Variants in ZNF3 observed in about 807,000 individuals in gnomAD.
ZNF3 encodes zinc finger protein 3, also known as C2-H2 type zinc finger protein.
A neutral mutation model predicts 36.9 loss-of-function variants in ZNF3; 16 were observed. That is an observed-to-expected ratio of 0.43 (90% CI 0.29 to 0.66). The LOEUF is 0.66. Ranked by LOEUF, ZNF3 falls within the 30% of genes least tolerant of loss-of-function variation. The pLI is 0.13. For synonymous variants in ZNF3, 201 were observed against 201.9 expected (o/e 1.00, Z 0.04); for missense variants, 462 against 543.1 (o/e 0.85, Z 1.48).
At position 100,075,274 on chromosome 7, in the gene ZNF3, G is replaced by C. The variant is rs373878869; in HGVS notation, c.145-13C>G. On this transcript the variant is annotated splice_polypyrimidine_tract_variant and intron_variant, in intron 4 of 5. Coordinates refer to ENST00000299667, the MANE Select transcript of ZNF3 (RefSeq NM_032924.5). ...AGGTTACCAGCTCCTGAAACAACAC[G>C]TGCTGGCATGCAATTTCAGGGTGAG... 6.2e-6 allele frequency: 10 copies of C among 1,614,012 alleles called. No homozygotes were observed. Among genetic ancestry groups the C allele is most frequent in the Non-Finnish European group, 8.5e-6 (10 of 1,179,998 alleles).
At chr7:100,072,940 T>C (rs1475688691) in intron 5 of ZNF3, among the ~76,000 whole-genome samples, 1 of 152,226 alleles carries the variant, frequency 6.6e-6, no homozygotes, top group East Asian at 1.9e-4. Flanking sequence ...TTAATTGATA[T>C]TTTAAAAAGT....
intron 5 of ZNF3, 132 bp from the exon 6 acceptor site, chr7:100,072,344 T>C: frequency 1.2e-6 from 1 of 838,276 alleles, no homozygotes; most frequent in Non-Finnish European, 1.8e-6. Flanking sequence ...GCCCCACATG[T>C]GTGCGGCTAA....
In ZNF3 at chr7:100,070,413, T is replaced by C; in HGVS notation, c.*730A>G. On this transcript the variant is annotated 3_prime_UTR_variant, in exon 6 of 6. Transcript: ENST00000299667. ...GCAATCAGAGGCCAACGCTAAGTGCTTCTGACCCTCTCCCTCACAGCCGGT... is the reference window on the plus strand; with the variant it reads ...GCAATCAGAGGCCAACGCTAAGTGCCTCTGACCCTCTCCCTCACAGCCGGT... 1.0e-6 allele frequency: 1 copy of C among 985,484 alleles called. No individual in the cohort carries two copies. The highest frequency in any genetic ancestry group is 1.2e-6 in the Non-Finnish European group (1 of 829,990). 61.0% of individuals were successfully genotyped at this position (985,484 alleles called of 1,614,324 possible). A position where few individuals can be genotyped will look rare whatever the true frequency, so the allele number is the denominator to read the frequency against.
rs146727563 is a variant in ZNF3 at position 100,064,124 on chromosome 7, G to A, written c.*664C>T. Reference sequence around the variant, plus strand: ...GAGAAACCTTACGTGTGCACCAAGTGTGGGAAAGCTTTCAGCCACAGCTCA... The same window carrying A: ...GAGAAACCTTACGTGTGCACCAAGTATGGGAAAGCTTTCAGCCACAGCTCA... On this transcript the variant is annotated 3_prime_UTR_variant, in exon 6 of 6. Coordinates refer to the ZNF3 transcript ENST00000413658. 7.4e-6 allele frequency: 12 copies of A among 1,614,076 alleles called. No individual in the cohort carries two copies. Among genetic ancestry groups the A allele is most frequent in the Non-Finnish European group, 1.0e-5 (12 of 1,180,056 alleles).
At position 100,071,311 on chromosome 7, in the gene ZNF3, G is replaced by C. The variant is rs200414532; in HGVS notation, c.1173C>G (p.Thr391=). Residue 391 remains threonine, a synonymous_variant, in exon 6 of 6, where the codon ACC becomes ACG. Transcript: ENST00000299667. Reference sequence around the variant, plus strand: ...CACTACATTCATAGGGGTTCTCCCCGGTGTGGATTCTTTGATGCTGAATAA... The same window carrying C: ...CACTACATTCATAGGGGTTCTCCCCCGTGTGGATTCTTTGATGCTGAATAA... ...SGLIQHQRIH[T]GENPYECSEC... 6.2e-7 allele frequency: 1 copy of C among 1,613,806 alleles called. No individual in the cohort carries two copies. The highest frequency in any genetic ancestry group is 1.3e-5 in the African/African-American group (1 of 74,906).
chr7:100,072,699 A>G (rs1481746347), intron 5 of ZNF3, among the ~76,000 whole-genome samples: 2 of 152,204 alleles, frequency 1.3e-5, no homozygotes, highest in African/African-American at 4.8e-5. Flanking sequence ...CCATGGCCCC[A>G]TAAGAAGAGC....
rs1166698830 is a variant in ZNF3 at position 100,075,527 on chromosome 7, G to A, written c.144+15C>T. On this transcript the variant is annotated intron_variant, in intron 4 of 5. Coordinates refer to ENST00000299667, the MANE Select transcript of ZNF3 (RefSeq NM_032924.5). The stretch of plus-strand genomic sequence containing the variant: ...GAAAATGGAAAGGAAAAGGATAAAC[G>A]GAACCACAGCTCACCTGGGACTTGG... The A allele has an allele frequency of 4.3e-6, 7 of 1,613,856 alleles. No homozygotes were observed. In the Admixed American group the frequency reaches 6.7e-5, roughly 15 times the overall value.
upstream of ZNF3, chr7:100,081,896 G>T (rs151017271): frequency 1.9e-3 from 292 of 152,976 alleles, 4 homozygotes; most frequent in Middle Eastern, 6.8e-3. This position sits in a 1 kb window ranked among gnomAD's most constrained non-coding sequence, Gnocchi z 4.3. Context: ...GATCGCTGAC[G>T]CGGCACTCGG....
Position 100,071,777 on chromosome 7 carries a change from G to A in ZNF3, c.707C>T (p.Ala236Val). ...KPYECNECGK[A>V]FSQSSHLIQH... is the part of the protein sequence containing the mutation. ...AATAAGGTGTGAGCTCTGGCTGAAG[G>A]CCTTCCCACACTCATTACATTCATA... Residue 236 changes from alanine to valine, a missense_variant, in exon 6 of 6, where the codon GCC becomes GTC. By Grantham distance (64) the Ala-to-Val change is moderately conservative. Coordinates refer to ENST00000299667, the MANE Select transcript of ZNF3 (RefSeq NM_032924.5). 3.1e-6 allele frequency: 5 copies of A among 1,613,916 alleles called. No individual in the cohort carries two copies. Among genetic ancestry groups the A allele is most frequent in the Non-Finnish European group, 4.2e-6 (5 of 1,179,856 alleles).
At chr7:100,067,302 G>A (rs1354099038), downstream of ZNF3, among the ~76,000 whole-genome samples, 1 of 152,122 alleles carries the variant, frequency 6.6e-6, no homozygotes, top group Non-Finnish European at 1.5e-5. Flanking sequence ...AGATAACATA[G>A]GTGTTTGGTT....
At position 100,071,220 on chromosome 7, in the gene ZNF3, T is replaced by TCTCTC; in HGVS notation, c.1259_1263dup (p.Lys422GlufsTer5). On this transcript the variant is annotated frameshift_variant, in exon 6 of 6. Coordinates refer to ENST00000299667, the MANE Select transcript of ZNF3 (RefSeq NM_032924.5). LOFTEE classifies it high-confidence loss of function. The stretch of plus-strand genomic sequence containing the variant: ...CTCATGCCGATCCCATTCAAAGGCT[T>TCTCTC]CTCTCCAGTGTGAATTCTCTGATGG... 1 of 1,614,174 alleles carries TCTCTC rather than the reference T, an allele frequency of 6.2e-7. No individual in the cohort carries two copies. Among genetic ancestry groups the TCTCTC allele is most frequent in the Non-Finnish European group, 8.5e-7 (1 of 1,180,010 alleles).
intron 1 of ZNF3, among the ~76,000 whole-genome samples, chr7:100,080,355 G>A (rs577736204): frequency 6.6e-6 from 1 of 152,280 alleles, no homozygotes; most frequent in South Asian, 2.1e-4. Context: ...CTGGCGACCT[G>A]CAGTGGCTCA....
downstream of ZNF3, chr7:100,063,851 G>A: frequency 6.2e-7 from 1 of 1,614,060 alleles, no homozygotes; most frequent in African/African-American, 1.3e-5. Flanking sequence ...GAAGCAGAGG[G>A]GCTCAAAGGG....
intron 3 of ZNF3, among the ~76,000 whole-genome samples, chr7:100,076,250 T>C (rs187877566): frequency 4.5e-4 from 68 of 152,184 alleles, no homozygotes; most frequent in African/African-American, 1.6e-3. Context: ...ACTAAAAATG[T>C]TCCCTGTTTC....
intron 3 of ZNF3, 148 bp from the exon 4 acceptor site, chr7:100,075,778 C>A: frequency 1.4e-6 from 1 of 722,730 alleles, no homozygotes. Flanking sequence ...TCCTCTGCAG[C>A]TAGCTACAGT....
intron 4 of ZNF3, 103 bp from the exon 5 acceptor site, chr7:100,075,364 G>A: frequency 6.3e-7 from 1 of 1,592,772 alleles, no homozygotes; most frequent in Non-Finnish European, 8.6e-7. Context: ...TTTGGGAAGG[G>A]AGGAAGGGAG....
At chr7:100,063,949 C>T (rs752063106), downstream of ZNF3, 1 of 1,614,100 alleles carries the variant, frequency 6.2e-7, no homozygotes, top group South Asian at 1.1e-5. Context: ...AGGAACAAAA[C>T]CCCCTCTTCA....
chr7:100,064,484 A>C (rs781748674), exon 6 of ZNF3: 1 of 1,614,068 alleles, frequency 6.2e-7, no homozygotes, highest in Admixed American at 1.7e-5. Context: ...CACAGCTCCA[A>C]CTTCAATAAA....
At chr7:100,075,818 T>C (rs536951366) in intron 3 of ZNF3, among the ~76,000 whole-genome samples, 188 bp from the exon 4 acceptor site, 1 of 152,152 alleles carries the variant, frequency 6.6e-6, no homozygotes, top group African/African-American at 2.4e-5. Context: ...TCAGAGCGAG[T>C]CCATCCTGCC....
Sources: allele counts gnomAD v4.1 joint callset (sites outside exome capture counted in the v4.1 genomes callset), GRCh38; gene constraint gnomAD v4.1.1; non-coding constraint Gnocchi (gnomAD v3.1); transcripts MANE v1.5; gene names NCBI Gene and HGNC (gene_info 2026-07-23, HGNC 2026-07-21).